PRKG1: variants seen among roughly 807,000 people sequenced by gnomAD.
The protein encoded by PRKG1 is cGMP-dependent protein kinase 1.
A neutral mutation model predicts 88.1 loss-of-function variants in PRKG1; 35 were observed. That is an observed-to-expected ratio of 0.40 (90% CI 0.30 to 0.53). The LOEUF (loss-of-function observed/expected upper bound fraction) is 0.53. Ranked by LOEUF, PRKG1 falls within the 20% of genes least tolerant of loss-of-function variation. PRKG1 has a pLI of 0.59. For synonymous variants in PRKG1, 303 were observed against 292.5 expected (o/e 1.04, Z -0.37); for missense variants, 540 against 839.8 (o/e 0.64, Z 4.41).
At chr10:51,203,530 A>G (rs543536779) in intron 2 of PRKG1, among the ~76,000 whole-genome samples, 6 of 152,300 alleles carry the variant, frequency 3.9e-5, no homozygotes, top group African/African-American at 1.4e-4. Context: ...TTTCTAGGCA[A>G]TTGAGGGCAC....
intron 5 of PRKG1, among the ~76,000 whole-genome samples, chr10:51,935,722 T>C (rs536834772): frequency 2.6e-5 from 4 of 152,248 alleles, no homozygotes; most frequent in African/African-American, 9.6e-5. Context: ...CCTTATCTTT[T>C]GTAACCCCAT....
chr10:51,988,019 T>A (rs1290071967), intron 5 of PRKG1, among the ~76,000 whole-genome samples: 17 of 152,208 alleles, frequency 1.1e-4, no homozygotes, highest in Admixed American at 1.1e-3. Context: ...TAAAATGTTA[T>A]AGTTCAGTCC....
intron 4 of PRKG1, among the ~76,000 whole-genome samples, chr10:51,830,926 T>C (rs1405213743): frequency 6.6e-6 from 1 of 151,714 alleles, no homozygotes; most frequent in Non-Finnish European, 1.5e-5. Flanking sequence ...GATCATACGC[T>C]CAGGAATAAA....
At position 52,298,051 on chromosome 10, in the gene PRKG1, A is replaced by G. The variant is rs1842416064; in HGVS notation, c.*4151A>G. 3.3e-5 allele frequency: 5 copies of G among 152,138 alleles called. No homozygotes were observed. Among genetic ancestry groups the G allele is most frequent in the Admixed American group, 2.6e-4 (4 of 15,258 alleles). The allele number at this position is 152,138 out of a possible 1,614,324, so 9.4% of individuals were successfully genotyped here. A position where few individuals can be genotyped will look rare whatever the true frequency, so the allele number is the denominator to read the frequency against. On this transcript the variant is annotated 3_prime_UTR_variant, in exon 18 of 18. Transcript: ENST00000373980. ...AGGGACATTTCTTTAAGCATCATCT[A>G]TCAAATTTATTTCAATGTATGATGT...
chr10:51,058,265 T>C (rs1843654795), intron 1 of PRKG1, among the ~76,000 whole-genome samples: 1 of 152,132 alleles, frequency 6.6e-6, no homozygotes, highest in South Asian at 2.1e-4. Context: ...ATTAAATATA[T>C]ATTATAAATA....
At chr10:51,067,038 C>T (rs1451865948) in intron 1 of PRKG1, among the ~76,000 whole-genome samples, 2 of 151,910 alleles carry the variant, frequency 1.3e-5, no homozygotes, top group Non-Finnish European at 2.9e-5. Flanking sequence ...TGTCTTTATA[C>T]AACTACTTTT....
At chr10:51,302,854 T>C (rs1840929072) in intron 2 of PRKG1, 1 of 152,178 alleles carries the variant, frequency 6.6e-6, no homozygotes, top group Non-Finnish European at 1.5e-5. Flanking sequence ...ACTATTATTA[T>C]CCTCCTTTTT....
At chr10:51,473,496 A>G (rs1385409533) in intron 3 of PRKG1, among the ~76,000 whole-genome samples, 1 of 151,826 alleles carries the variant, frequency 6.6e-6, no homozygotes, top group African/African-American at 2.4e-5. Flanking sequence ...TTCTATATTG[A>G]CCAGGCCTGG....
At position 51,016,261 on chromosome 10, in the gene PRKG1, T is replaced by C. The variant is rs142734409; in HGVS notation, c.266+24617T>C. On this transcript the variant is annotated intron_variant, in intron 1 of 17. Coordinates refer to the PRKG1 transcript ENST00000401604. Reference sequence around the variant, plus strand: ...CAAGCATTAAAACATCAAGTTGCACTGTATTAATTACTCTGCCAGCTCTGT... The same window carrying C: ...CAAGCATTAAAACATCAAGTTGCACCGTATTAATTACTCTGCCAGCTCTGT... 8.1e-3 allele frequency among the ~76,000 whole-genome samples: 1,229 copies of C among 152,352 alleles called. 14 individuals are homozygous for C. Among genetic ancestry groups the C allele is most frequent in the Middle Eastern group, 0.037 (11 of 294 alleles).
At chr10:51,356,881 T>A (rs1450185407) in intron 2 of PRKG1, among the ~76,000 whole-genome samples, 1 of 152,028 alleles carries the variant, frequency 6.6e-6, no homozygotes, top group East Asian at 1.9e-4. Context: ...TAATTGGGAA[T>A]TTTTCTAGGC....
At chr10:52,199,184 C>T (rs1430048165) in intron 9 of PRKG1, among the ~76,000 whole-genome samples, 2 of 152,046 alleles carry the variant, frequency 1.3e-5, no homozygotes, top group Non-Finnish European at 2.9e-5. Flanking sequence ...AGGTATCTTT[C>T]CTCACCTTCT....
At chr10:51,718,971 A>G (rs1679126373) in intron 3 of PRKG1, among the ~76,000 whole-genome samples, 2 of 152,174 alleles carry the variant, frequency 1.3e-5, no homozygotes, top group African/African-American at 2.4e-5. Flanking sequence ...ACAAAGGAAG[A>G]CTATCTCTAC....
At chr10:51,076,379 T>A (rs1843952962) in intron 1 of PRKG1, among the ~76,000 whole-genome samples, 1 of 152,198 alleles carries the variant, frequency 6.6e-6, no homozygotes, top group East Asian at 1.9e-4. Context: ...TCTGGTAAAT[T>A]AATTTGCAAT....
chr10:51,995,351 T>A (rs997283928), intron 5 of PRKG1, among the ~76,000 whole-genome samples: 3 of 152,162 alleles, frequency 2.0e-5, no homozygotes, highest in Admixed American at 6.5e-5. Flanking sequence ...CTTAACTATC[T>A]TAAAACTGTT....
At chr10:51,455,275 T>C (rs1839552398) in intron 2 of PRKG1, among the ~76,000 whole-genome samples, 1 of 152,240 alleles carries the variant, frequency 6.6e-6, no homozygotes, top group South Asian at 2.1e-4. Context: ...CATGAAACCA[T>C]TTTTTCCTCA....
chr10:51,615,179 T>A (rs1286886163), intron 3 of PRKG1, among the ~76,000 whole-genome samples: 3 of 152,080 alleles, frequency 2.0e-5, no homozygotes, highest in Non-Finnish European at 4.4e-5. Context: ...GCCTATAAGG[T>A]TTCTGCTAAT....
intron 5 of PRKG1, among the ~76,000 whole-genome samples, chr10:52,024,428 C>A (rs1845279365): frequency 6.6e-6 from 1 of 151,718 alleles, no homozygotes; most frequent in African/African-American, 2.4e-5. Flanking sequence ...TTGCTGCATT[C>A]ATTAACTCAT....
chr10:51,769,684 G>A (rs1484186762), intron 3 of PRKG1, among the ~76,000 whole-genome samples: 1 of 152,048 alleles, frequency 6.6e-6, no homozygotes, highest in Non-Finnish European at 1.5e-5. Flanking sequence ...ATGAAATATG[G>A]CAAGCTGGCT....
Position 52,294,093 on chromosome 10 carries a change from T to A in PRKG1, c.*193T>A, listed in dbSNP as rs1469860938. ...ACAATAGTGCTCTTTACATGTTTTC[T>A]GTTTGAACCTAAAATAGCAGTTGAC... is the stretch of plus-strand genomic sequence containing the variant. On this transcript the variant is annotated 3_prime_UTR_variant, in exon 18 of 18. Coordinates refer to ENST00000373980, the MANE Select transcript of PRKG1 (RefSeq NM_006258.4). 3 of 472,318 alleles carry A rather than the reference T, an allele frequency of 6.4e-6. No individual in the cohort carries two copies. Among genetic ancestry groups the A allele is most frequent in the Non-Finnish European group, 1.1e-5 (3 of 267,126 alleles). 29.3% of individuals were successfully genotyped at this position (472,318 alleles called of 1,614,324 possible).
Sources: allele counts gnomAD v4.1 joint callset (sites outside exome capture counted in the v4.1 genomes callset), GRCh38; gene constraint gnomAD v4.1.1; transcripts MANE v1.5; gene names NCBI Gene and HGNC (gene_info 2026-07-23, HGNC 2026-07-21).